CLASP2: variants seen among roughly 807,000 people sequenced by gnomAD.
CLASP2 encodes CLIP-associating protein 2.
In CLASP2, 47 loss-of-function variants were observed where a neutral mutation model predicts 194.4. The observed-to-expected ratio is 0.24, with a 90% confidence interval of 0.19 to 0.31. CLASP2 has a LOEUF of 0.31. Ranked by LOEUF, CLASP2 falls within the 10% of genes least tolerant of loss-of-function variation. The pLI is 1.00. For synonymous variants in CLASP2, 619 were observed against 633.5 expected (o/e 0.98, Z 0.34); for missense variants, 1,445 against 1,823.6 (o/e 0.79, Z 3.78).
intron 38 of CLASP2, among the ~76,000 whole-genome samples, chr3:33,499,065 C>T (rs1236920021): frequency 6.6e-6 from 1 of 152,094 alleles, no homozygotes. Context: ...GAATTGTAAT[C>T]CCCATGTGTT....
chr3:33,531,375 T>C (rs1336048234), intron 34 of CLASP2, among the ~76,000 whole-genome samples: 13 of 152,014 alleles, frequency 8.6e-5, no homozygotes, highest in Non-Finnish European at 1.6e-4. Flanking sequence ...GATTCAAACA[T>C]GGGCAAAGGA....
intron 6 of CLASP2, among the ~76,000 whole-genome samples, chr3:33,674,143 C>T (rs2088000602): frequency 1.3e-5 from 2 of 152,190 alleles, no homozygotes; most frequent in Non-Finnish European, 2.9e-5. Flanking sequence ...AATATACATT[C>T]TTTTCAGCAC....
At chr3:33,584,118 T>G in intron 22 of CLASP2, among the ~76,000 whole-genome samples, 1 of 152,172 alleles carries the variant, frequency 6.6e-6, no homozygotes, top group East Asian at 1.9e-4. Context: ...AGTATTTGAA[T>G]AGGGCTGAAC....
intron 11 of CLASP2, among the ~76,000 whole-genome samples, chr3:33,621,473 G>C (rs2077097200): frequency 1.3e-5 from 2 of 152,040 alleles, no homozygotes; most frequent in African/African-American, 4.8e-5. Context: ...AGATTCTCTT[G>C]CAGTTTTCTG....
intron 8 of CLASP2, among the ~76,000 whole-genome samples, chr3:33,635,914 T>C (rs2080048034): frequency 6.6e-6 from 1 of 152,232 alleles, no homozygotes; most frequent in East Asian, 1.9e-4. Flanking sequence ...CAAATTTCAT[T>C]TCAAGTAATT....
intron 6 of CLASP2, among the ~76,000 whole-genome samples, chr3:33,666,869 G>T (rs567118974): frequency 1.3e-5 from 2 of 152,174 alleles, no homozygotes; most frequent in East Asian, 3.9e-4. Context: ...ATCAATATTT[G>T]TTATTGTCTA....
At chr3:33,538,576 GAA>G (rs2057804821) in intron 33 of CLASP2, among the ~76,000 whole-genome samples, 1 of 152,098 alleles carries the variant, frequency 6.6e-6, no homozygotes, top group South Asian at 2.1e-4. Context: ...ATCTCTATAT[GAA>G]AATCTAAAAG....
At chr3:33,506,849 C>CAT (rs1366839623) in intron 37 of CLASP2, among the ~76,000 whole-genome samples, 4 of 151,862 alleles carry the variant, frequency 2.6e-5, no homozygotes, top group Non-Finnish European at 5.9e-5. Flanking sequence ...ATGACAGTAC[C>CAT]ATGTTGTCTT....
chr3:33,570,158 ACATAT>A (rs150029109), intron 26 of CLASP2, among the ~76,000 whole-genome samples: 28,696 of 151,898 alleles, frequency 0.19, 2,935 homozygotes, highest in Admixed American at 0.31. Context: ...CATGCACATT[ACATAT>A]AAGTACTTAA....
At chr3:33,510,359 T>A (rs951955339) in intron 37 of CLASP2, among the ~76,000 whole-genome samples, 199 bp downstream of exon 37, 1 of 152,160 alleles carries the variant, frequency 6.6e-6, no homozygotes, top group African/African-American at 2.4e-5. Context: ...CAATTAAAAA[T>A]CGTTAATTTT....
At chr3:33,541,585 ATTTT>A (rs991087918) in intron 32 of CLASP2, among the ~76,000 whole-genome samples, 1 of 152,062 alleles carries the variant, frequency 6.6e-6, no homozygotes, top group African/African-American at 2.4e-5. Flanking sequence ...AACATGCAGT[ATTTT>A]TTTGTTGTTG....
At position 33,644,749 on chromosome 3, in the gene CLASP2, T is replaced by C; in HGVS notation, c.862+8A>G. ...ATGCATAACAGATTTGAAATGGATTTACATTACCTCCAACCTTAGGGCCAC... is the reference window on the plus strand; with the variant it reads ...ATGCATAACAGATTTGAAATGGATTCACATTACCTCCAACCTTAGGGCCAC... On this transcript the variant is annotated splice_region_variant and intron_variant, in intron 8 of 38. Coordinates refer to ENST00000682230, the MANE Select transcript of CLASP2 (RefSeq NM_001365631.1). 1.2e-6 allele frequency: 2 copies of C among 1,612,836 alleles called. No individual in the cohort carries two copies. Among genetic ancestry groups the C allele is most frequent in the Non-Finnish European group, 8.5e-7 (1 of 1,179,454 alleles).
chr3:33,703,450 C>T (rs888740158), intron 1 of CLASP2, among the ~76,000 whole-genome samples: 1 of 152,192 alleles, frequency 6.6e-6, no homozygotes, highest in African/African-American at 2.4e-5. Flanking sequence ...ACCGACAACA[C>T]TAAGTGCTGA....
At chr3:33,637,876 A>T (rs2080470223) in intron 8 of CLASP2, among the ~76,000 whole-genome samples, 1 of 152,272 alleles carries the variant, frequency 6.6e-6, no homozygotes, top group African/African-American at 2.4e-5. Flanking sequence ...TTTATAAAAT[A>T]GAAGCAGCAG....
intron 18 of CLASP2, chr3:33,602,689 A>G: frequency 1.4e-6 from 1 of 694,064 alleles, no homozygotes; most frequent in South Asian, 1.5e-5. Flanking sequence ...TAGATGTGGT[A>G]GAAGTGCAGT....
intron 23 of CLASP2, among the ~76,000 whole-genome samples, chr3:33,579,195 C>T (rs995703945): frequency 6.6e-6 from 1 of 152,178 alleles, no homozygotes; most frequent in Non-Finnish European, 1.5e-5. Flanking sequence ...GTTTAGTCAT[C>T]TTCAGTGCAA....
Position 33,684,410 on chromosome 3 carries a change from A to T in CLASP2, c.593T>A (p.Val198Glu). 1 of 1,605,986 alleles carries T rather than the reference A, an allele frequency of 6.2e-7. No individual in the cohort carries two copies. Among genetic ancestry groups the T allele is most frequent in the Non-Finnish European group, 8.5e-7 (1 of 1,175,734 alleles). ...ILAIVEIYRH[V>E]GEKVRMDLYK... ...AAGATCCATCCTCACTTTTTCTCCC[A>T]CATGTCTATAAATCTCCACTATAGC... The change falls in exon 6 of 39, where the codon GTG becomes GAG. Residue 198 changes from valine (V) to glutamate (E), a missense_variant. Coordinates refer to ENST00000682230, the MANE Select transcript of CLASP2 (RefSeq NM_001365631.1).
At chr3:33,503,646 T>C (rs1316943159) in intron 37 of CLASP2, 1 of 152,136 alleles carries the variant, frequency 6.6e-6, no homozygotes, top group Non-Finnish European at 1.5e-5. Flanking sequence ...CAGGCTGCTC[T>C]TCAATTCCTG....
chr3:33,695,031 T>C (rs2154350172), intron 2 of CLASP2, among the ~76,000 whole-genome samples: 1 of 148,548 alleles, frequency 6.7e-6, no homozygotes, highest in Middle Eastern at 3.5e-3. Context: ...ACAAGTAAAA[T>C]ACTTGCAGAG....
Sources: allele counts gnomAD v4.1 joint callset (sites outside exome capture counted in the v4.1 genomes callset), GRCh38; gene constraint gnomAD v4.1.1; transcripts MANE v1.5; gene names NCBI Gene and HGNC (gene_info 2026-07-23, HGNC 2026-07-21).